The following DUSP18 variants were observed in gnomAD, a reference collection of about 807,000 sequenced individuals.
The protein encoded by DUSP18 is dual specificity protein phosphatase 18.
A neutral mutation model predicts 6.3 loss-of-function variants in DUSP18; 4 were observed. That is an observed-to-expected ratio of 0.63 (90% CI 0.31 to 1.45). The LOEUF (loss-of-function observed/expected upper bound fraction) is 1.45, where lower values mean the gene tolerates loss of function less well. DUSP18 is among the 40% of genes most tolerant of loss of function. The pLI is 0.07. For synonymous variants in DUSP18, 96 were observed against 95.1 expected, an observed-to-expected ratio of 1.01 and a Z score of -0.05; for missense variants, 235 against 247.7, an observed-to-expected ratio of 0.95 and a Z score of 0.34.
chr22:30,664,129 T>C (rs2088571369), intron 1 of DUSP18, 49 bp from the exon 2 acceptor site: 3 of 827,414 alleles, frequency 3.6e-6, no homozygotes, highest in East Asian at 5.4e-5. Context: ...AGAGGGCCAA[T>C]TCCAGGGGAT....
At chr22:30,659,110 C>A (rs1395201799), downstream of DUSP18, among the ~76,000 whole-genome samples, 1 of 121,126 alleles carries the variant, frequency 8.3e-6, no homozygotes, top group African/African-American at 3.4e-5. Context: ...GGCGACACAG[C>A]GAGACTCCAT....
chr22:30,657,138 T>C (rs2088353576), downstream of DUSP18, among the ~76,000 whole-genome samples: 1 of 152,086 alleles, frequency 6.6e-6, no homozygotes, highest in Non-Finnish European at 1.5e-5. Flanking sequence ...AATAAGCATG[T>C]AAGATAAATT....
intron 2 of DUSP18, among the ~76,000 whole-genome samples, chr22:30,653,291 A>C (rs2145590079): frequency 6.6e-6 from 1 of 151,358 alleles, no homozygotes; most frequent in Non-Finnish European, 1.5e-5. Context: ...CCTGTTCTCT[A>C]TGCCTGCTGA....
downstream of DUSP18, among the ~76,000 whole-genome samples, chr22:30,659,584 G>C (rs5753266): frequency 0.64 from 96,524 of 151,944 alleles, 31,698 homozygotes; most frequent in East Asian, 0.81. Flanking sequence ...GTTGGCCAGG[G>C]TGGTCTCGAA....
chr22:30,661,498 G>C lies in DUSP18; in HGVS notation c.*1939C>G, dbSNP rs1167818975. 6.7e-6 allele frequency: 1 copy of C among 148,704 alleles called. No homozygotes were observed. The highest frequency in any genetic ancestry group is 2.5e-5 in the African/African-American group (1 of 40,272). The allele number at this position is 148,704 out of a possible 1,614,324, so 9.2% of individuals were successfully genotyped here. ...AGTCTCACTCTTGTTGCCCAGGCTG[G>C]AGTGCAATGGTGCAAGCTCGGCTCA... is the stretch of plus-strand genomic sequence containing the variant. On this transcript the variant is annotated 3_prime_UTR_variant, in exon 2 of 2. Coordinates refer to ENST00000334679, the MANE Select transcript of DUSP18 (RefSeq NM_152511.5).
downstream of DUSP18, chr22:30,661,444 C>CTTTTTTTTTTTTTTTTTTT (rs56242112): frequency 1.8e-4 from 24 of 136,466 alleles, no homozygotes; most frequent in African/African-American, 2.1e-4. Context: ...TTTTCTTTTT[C>CTTTTTTTTTTTTTTTTTTT]TTTTTTTTTT....
intron 2 of DUSP18, among the ~76,000 whole-genome samples, chr22:30,653,006 G>A (rs1452291797): frequency 6.6e-6 from 1 of 152,192 alleles, no homozygotes; most frequent in African/African-American, 2.4e-5. Flanking sequence ...ATAACCTGGA[G>A]CCCTATGAGG....
At chr22:30,658,366 C>CT (rs2088388215), downstream of DUSP18, among the ~76,000 whole-genome samples, 2 of 150,506 alleles carry the variant, frequency 1.3e-5, no homozygotes, top group African/African-American at 4.9e-5. Context: ...CAATGAGACT[C>CT]TGTCTCTAGA....
downstream of DUSP18, among the ~76,000 whole-genome samples, chr22:30,658,804 G>A (rs2088397333): frequency 6.6e-6 from 1 of 152,102 alleles, no homozygotes; most frequent in Admixed American, 6.6e-5. Flanking sequence ...GCTCACTGGG[G>A]GGCATAAGCT....
chr22:30,663,272 T>G lies in DUSP18; in HGVS notation c.*165A>C. 1 of 703,050 alleles carries G rather than the reference T, an allele frequency of 1.4e-6. No homozygotes were observed. Among genetic ancestry groups the G allele is most frequent in the Non-Finnish European group, 2.3e-6 (1 of 438,276 alleles). 43.6% of individuals were successfully genotyped at this position (703,050 alleles called of 1,614,324 possible). A position where few individuals can be genotyped will look rare whatever the true frequency, so the allele number is the denominator to read the frequency against. ...ACAATTAGTTTAATCTTAAAAAAAA[T>G]GGATTATAAAGTTAAAAGCTACAGC... On this transcript the variant is annotated 3_prime_UTR_variant, in exon 2 of 2. Transcript: ENST00000334679.
chr22:30,663,433 T>C lies in DUSP18; in HGVS notation c.*4A>G, dbSNP rs780536202. 4 of 1,602,116 alleles carry C rather than the reference T, an allele frequency of 2.5e-6. No homozygotes were observed. The highest frequency in any genetic ancestry group is 2.2e-5 in the South Asian group (2 of 90,324). ...GACTCCAATGCAGGGGCTCGTGGGA[T>C]GGCTCACAGTGGAATCATCAAACGG... On this transcript the variant is annotated 3_prime_UTR_variant, in exon 2 of 2. Coordinates refer to ENST00000334679, the MANE Select transcript of DUSP18 (RefSeq NM_152511.5).
chr22:30,653,159 T>G (rs1424214856), intron 2 of DUSP18, among the ~76,000 whole-genome samples: 7 of 152,148 alleles, frequency 4.6e-5, no homozygotes. Context: ...CTGCCTTCTG[T>G]GCTCCCCACC....
chr22:30,659,019 G>A (rs997004151), downstream of DUSP18, among the ~76,000 whole-genome samples: 10 of 151,734 alleles, frequency 6.6e-5, no homozygotes, highest in African/African-American at 2.2e-4. Flanking sequence ...AGCTATTCGG[G>A]AGGCTGAGGC....
chr22:30,662,176 T>G lies in DUSP18; in HGVS notation c.*1261A>C, dbSNP rs1231917252. On this transcript the variant is annotated 3_prime_UTR_variant, in exon 2 of 2. Transcript: ENST00000334679. Reference sequence around the variant, plus strand: ...CCAGCAGGGTGAAAGAGTCTATCATTCATGATGAGAGCTGCCATTTGCGCT... The same window carrying G: ...CCAGCAGGGTGAAAGAGTCTATCATGCATGATGAGAGCTGCCATTTGCGCT... The G allele has an allele frequency of 6.6e-6, 1 of 152,198 alleles. No homozygotes were observed. The highest frequency in any genetic ancestry group is 1.5e-5 in the Non-Finnish European group (1 of 68,038). The allele number at this position is 152,198 out of a possible 1,614,324, so 9.4% of individuals were successfully genotyped here.
chr22:30,658,518 C>G (rs2088393528), downstream of DUSP18, among the ~76,000 whole-genome samples: 1 of 151,926 alleles, frequency 6.6e-6, no homozygotes, highest in East Asian at 1.9e-4. Context: ...ATCTCCGTTG[C>G]CTTTTTTCTC....
At chr22:30,664,143 T>C (rs1223732968) in intron 1 of DUSP18, 63 bp from the exon 2 acceptor site, 3 of 731,936 alleles carry the variant, frequency 4.1e-6, no homozygotes, top group East Asian at 5.4e-5. Flanking sequence ...AGGGGATCCC[T>C]GGGAAATGGA....
Position 30,662,947 on chromosome 22 carries a change from C to A in DUSP18, c.*490G>T, listed in dbSNP as rs2088519206. 1 of 154,148 alleles carries A rather than the reference C, an allele frequency of 6.5e-6. No individual in the cohort carries two copies. The allele number at this position is 154,148 out of a possible 1,614,324, so 9.5% of individuals were successfully genotyped here. Reference sequence around the variant, plus strand: ...ATAGTGAAGGTGGAAGCAGAGGTGGCCTGGGACCCCCCAGGATTCCTGGAG... The same window carrying A: ...ATAGTGAAGGTGGAAGCAGAGGTGGACTGGGACCCCCCAGGATTCCTGGAG... On this transcript the variant is annotated 3_prime_UTR_variant, in exon 2 of 2. Transcript: ENST00000334679.
At chr22:30,659,028 G>A (rs542043521), downstream of DUSP18, among the ~76,000 whole-genome samples, 1 of 151,540 alleles carries the variant, frequency 6.6e-6, no homozygotes, top group South Asian at 2.1e-4. Context: ...GGAGGCTGAG[G>A]CAGGAGAATG....
intron 2 of DUSP18, among the ~76,000 whole-genome samples, chr22:30,655,819 A>G (rs2088328614): frequency 6.6e-6 from 1 of 152,172 alleles, no homozygotes; most frequent in African/African-American, 2.4e-5. Context: ...CTGAAGTCAA[A>G]GCCAAGAGGT....
Sources: allele counts gnomAD v4.1 joint callset (sites outside exome capture counted in the v4.1 genomes callset), GRCh38; gene constraint gnomAD v4.1.1; transcripts MANE v1.5; gene names NCBI Gene and HGNC (gene_info 2026-07-23, HGNC 2026-07-21).